The following KDM4C variants were observed in gnomAD, a reference collection of about 807,000 sequenced individuals.
The protein encoded by KDM4C is lysine demethylase 4C.
A neutral mutation model predicts 129.3 loss-of-function variants in KDM4C; 81 were observed. That is an observed-to-expected ratio of 0.63 (90% CI 0.52 to 0.75). The LOEUF (loss-of-function observed/expected upper bound fraction) is 0.75. Among genes scored for constraint, KDM4C ranks in the 30% least tolerant of loss-of-function variants. The probability of loss-of-function intolerance (pLI) is 0.00; values close to 1 mark genes in which losing one functional copy is unlikely to be tolerated. For missense variants in KDM4C, 1,457 were observed against 1,304.0 expected, an observed-to-expected ratio of 1.12 and a Z score of -1.81; for synonymous variants, 573 against 456.1, an observed-to-expected ratio of 1.26 and a Z score of -3.26.
chr9:7,026,520 T>C (rs980890699), intron 15 of KDM4C, among the ~76,000 whole-genome samples: 2 of 152,174 alleles, frequency 1.3e-5, no homozygotes, highest in East Asian at 1.9e-4. Context: ...ATCCTTTTTT[T>C]CCCCTTGACC....
At chr9:6,969,143 C>T (rs1831502350) in intron 8 of KDM4C, among the ~76,000 whole-genome samples, 1 of 152,124 alleles carries the variant, frequency 6.6e-6, no homozygotes, top group Admixed American at 6.5e-5. Flanking sequence ...ACCATATTGG[C>T]CAGGCTGGTC....
chr9:6,840,649 G>A (rs185519787), intron 4 of KDM4C, among the ~76,000 whole-genome samples: 4 of 152,192 alleles, frequency 2.6e-5, no homozygotes, highest in East Asian at 1.9e-4. Flanking sequence ...CCCCCACTTC[G>A]GCCTCCCAAA....
chr9:6,983,192 C>T (rs1191374395), intron 9 of KDM4C, among the ~76,000 whole-genome samples: 2 of 152,180 alleles, frequency 1.3e-5, no homozygotes, highest in Admixed American at 1.3e-4. Context: ...CCACCCTATT[C>T]TCTGCCCTCC....
chr9:6,870,425 T>G (rs949313499), intron 5 of KDM4C, among the ~76,000 whole-genome samples: 3 of 152,120 alleles, frequency 2.0e-5, no homozygotes, highest in Non-Finnish European at 4.4e-5. Context: ...GCCAGCTCTG[T>G]CATCACTTTG....
At chr9:6,815,233 C>G (rs1831867017) in intron 4 of KDM4C, 1 of 151,876 alleles carries the variant, frequency 6.6e-6, no homozygotes, top group Non-Finnish European at 1.5e-5. Context: ...ACAGTCTAGC[C>G]ATTTTAATGG....
intron 19 of KDM4C, among the ~76,000 whole-genome samples, chr9:7,157,035 G>T (rs564009604): frequency 9.9e-4 from 151 of 152,294 alleles, no homozygotes; most frequent in Middle Eastern, 3.4e-3. Flanking sequence ...TTGTTGAGCA[G>T]TGGTTTGTAG....
intron 17 of KDM4C, chr9:7,077,194 G>T: frequency 1.0e-6 from 1 of 985,372 alleles, no homozygotes; most frequent in Non-Finnish European, 1.2e-6. Flanking sequence ...CATGCTGTGG[G>T]AAGAGAGGTC....
intron 15 of KDM4C, among the ~76,000 whole-genome samples, chr9:7,016,842 C>G (rs1490263989): frequency 6.6e-6 from 1 of 152,130 alleles, no homozygotes; most frequent in Non-Finnish European, 1.5e-5. Flanking sequence ...TCTTGTCCAT[C>G]CCTATTTTGC....
At chr9:6,805,890 T>G in intron 3 of KDM4C, 116 bp downstream of exon 3, 1 of 890,090 alleles carries the variant, frequency 1.1e-6, no homozygotes, top group African/African-American at 1.7e-5. Flanking sequence ...CATGCAATTT[T>G]TCACCCTTCA....
upstream of KDM4C, among the ~76,000 whole-genome samples, chr9:6,756,865 G>C (rs1818322379): frequency 6.6e-6 from 1 of 152,144 alleles, no homozygotes; most frequent in African/African-American, 2.4e-5. Flanking sequence ...GAGTTCAAGC[G>C]CGTGGTAAGC....
At chr9:6,919,259 C>CTTTCTTTCTTTCTTTCTTTCT (rs1589105960) in intron 8 of KDM4C, among the ~76,000 whole-genome samples, 1 of 135,716 alleles carries the variant, frequency 7.4e-6, no homozygotes, top group Non-Finnish European at 1.6e-5. Flanking sequence ...TTCTTTCTTT[C>CTTTCTTTCTTTCTTTCTTTCT]TTTCTTTCTT....
At chr9:6,843,061 C>G (rs1837259501) in intron 4 of KDM4C, among the ~76,000 whole-genome samples, 1 of 152,174 alleles carries the variant, frequency 6.6e-6, no homozygotes, top group Non-Finnish European at 1.5e-5. Context: ...TCCCGAGTAG[C>G]TGGGATTATA....
intron 5 of KDM4C, among the ~76,000 whole-genome samples, chr9:6,853,096 C>T (rs1839154334): frequency 1.3e-5 from 2 of 151,904 alleles, no homozygotes; most frequent in Non-Finnish European, 2.9e-5. Flanking sequence ...GCTATAGGAG[C>T]GATGCCCTGT....
intron 19 of KDM4C, among the ~76,000 whole-genome samples, chr9:7,155,182 C>T (rs1843040156): frequency 6.6e-6 from 1 of 152,140 alleles, no homozygotes; most frequent in Admixed American, 6.5e-5. Context: ...TGGGAACACG[C>T]TTTGAGAAGC....
chr9:6,887,976 C>A lies in KDM4C; in HGVS notation c.696C>A (p.Ser232Arg). ...ERLAQGFFPS[S>R]SQGCDAFLRH... The stretch of plus-strand genomic sequence containing the variant: ...TCTTTTTAGGTTTTTTCCCAAGCAG[C>A]TCCCAAGGGTGTGATGCATTTCTTC... Residue 232 changes from serine to arginine, a missense_variant, in exon 7 of 22, where the codon AGC becomes AGA. By Grantham distance (110) the Ser-to-Arg change is moderately radical. Coordinates refer to ENST00000381309, the MANE Select transcript of KDM4C (RefSeq NM_015061.6). 6.2e-7 allele frequency: 1 copy of A among 1,609,742 alleles called. No individual in the cohort carries two copies. Among genetic ancestry groups the A allele is most frequent in the Non-Finnish European group, 8.5e-7 (1 of 1,176,228 alleles).
At chr9:7,033,143 A>ATT (rs539641712) in intron 15 of KDM4C, among the ~76,000 whole-genome samples, 56 of 137,284 alleles carry the variant, frequency 4.1e-4, no homozygotes, top group South Asian at 1.2e-3. Flanking sequence ...TTTATGCTGG[A>ATT]TTTTTTTTTT....
intron 1 of KDM4C, among the ~76,000 whole-genome samples, chr9:6,760,672 A>G (rs926383890): frequency 6.6e-6 from 1 of 151,524 alleles, no homozygotes; most frequent in African/African-American, 2.4e-5. Flanking sequence ...CTGGGTTCAC[A>G]CCATTCTCCT....
intron 15 of KDM4C, among the ~76,000 whole-genome samples, chr9:7,040,085 C>T (rs866025818): frequency 6.6e-6 from 1 of 152,164 alleles, no homozygotes; most frequent in African/African-American, 2.4e-5. Context: ...TTACAATTTA[C>T]ATTTTTGAAT....
rs570364239 is a variant in KDM4C, at chr9:6,812,232, C to G, written c.321-2399C>G. ...AGCCTGGGTGACAGAACAAGACTCT[C>G]AAAAAAAAAAAAAAAAGTTGTTACT... On this transcript the variant is annotated intron_variant, in intron 3 of 21. Coordinates refer to ENST00000381309, the MANE Select transcript of KDM4C (RefSeq NM_015061.6). 5.8e-3 allele frequency among the ~76,000 whole-genome samples: 554 copies of G among 96,308 alleles called. 3 individuals carry two copies. Among genetic ancestry groups the G allele is most frequent in the African/African-American group, 0.021 (532 of 25,576 alleles). The allele number at this position is 96,308 out of a possible 152,430, so 63.2% of individuals were successfully genotyped here.
Sources: allele counts gnomAD v4.1 joint callset (sites outside exome capture counted in the v4.1 genomes callset), GRCh38; gene constraint gnomAD v4.1.1; transcripts MANE v1.5; gene names NCBI Gene and HGNC (gene_info 2026-07-23, HGNC 2026-07-21).